Variants in APBA1 observed in about 807,000 individuals in gnomAD.
APBA1 encodes the protein amyloid beta precursor protein binding family A member 1.
A neutral mutation model predicts 86.6 loss-of-function variants in APBA1; 55 were observed. The ratio of observed to expected loss-of-function variants is 0.64; its 90% CI spans 0.51 to 0.80. The LOEUF is 0.80. APBA1 is among the 30% of genes least tolerant of loss of function. The probability of loss-of-function intolerance (pLI) is 0.00; values close to 1 mark genes in which losing one functional copy is unlikely to be tolerated. For synonymous variants in APBA1, 511 were observed against 493.9 expected (o/e 1.03, Z -0.46); for missense variants, 1,090 against 1,183.0 (o/e 0.92, Z 1.15).
chr9:69,669,008 T>A (rs1402492810), intron 1 of APBA1, among the ~76,000 whole-genome samples: 2 of 152,194 alleles, frequency 1.3e-5, no homozygotes, highest in African/African-American at 2.4e-5. Context: ...AGTAACATAT[T>A]TCCTCTTTTC....
At chr9:69,582,906 CAAAT>C (rs1008402577) in intron 1 of APBA1, among the ~76,000 whole-genome samples, 9 of 152,294 alleles carry the variant, frequency 5.9e-5, no homozygotes, top group East Asian at 3.9e-4. Flanking sequence ...ATGAATGAAA[CAAAT>C]GAATGAAGAA....
chr9:69,516,646 C>T lies in APBA1; in HGVS notation c.565G>A (p.Asp189Asn). The change falls in exon 2 of 13, where the codon GAC becomes AAC. Residue 189 changes from aspartate to asparagine, a missense_variant. This residue lies in a region of APBA1 where 678 missense variants were observed against 647.1 expected (regional missense o/e 1.05). Coordinates refer to ENST00000265381, the MANE Select transcript of APBA1 (RefSeq NM_001163.4). The surrounding 1 kb of genome is among the most constrained non-coding windows in gnomAD (Gnocchi z 7.3). The stretch of plus-strand genomic sequence containing the variant: ...ACGTGCTCCTGGAGGCCGCCGTAGT[C>T]GGCATAGGGCTCGGAGTAGGGCTCG... Reference protein sequence around the residue: ...EDEPYSEPYADYGGLQEHVYE... With the variant: ...EDEPYSEPYANYGGLQEHVYE... 2 of 1,608,866 alleles carry T rather than the reference C, an allele frequency of 1.2e-6. No individual in the cohort carries two copies. The highest frequency in any genetic ancestry group is 1.7e-6 in the Non-Finnish European group (2 of 1,179,104).
chr9:69,443,962 T>C (rs1320194851), intron 10 of APBA1, among the ~76,000 whole-genome samples: 1 of 151,656 alleles, frequency 6.6e-6, no homozygotes, highest in Non-Finnish European at 1.5e-5. Flanking sequence ...GTGGCAAGAG[T>C]TTTTCGGGGT....
At chr9:69,624,558 G>A (rs1822890669) in intron 1 of APBA1, among the ~76,000 whole-genome samples, 1 of 152,258 alleles carries the variant, frequency 6.6e-6, no homozygotes, top group East Asian at 1.9e-4. Context: ...TGGGTGAGGT[G>A]CCCAGCAGGT....
intron 10 of APBA1, 30 bp downstream of exon 10, chr9:69,449,554 C>A: frequency 6.3e-7 from 1 of 1,588,130 alleles, no homozygotes; most frequent in East Asian, 2.2e-5. Context: ...AGGTTTACCA[C>A]ATCAACTGAT....
At chr9:69,599,553 G>A (rs1368736670) in intron 1 of APBA1, among the ~76,000 whole-genome samples, 2 of 152,162 alleles carry the variant, frequency 1.3e-5, no homozygotes, top group Non-Finnish European at 2.9e-5. Context: ...GCCAAAGTTT[G>A]ATAATTCAAA....
At chr9:69,546,957 C>T (rs965067801) in intron 1 of APBA1, among the ~76,000 whole-genome samples, 1 of 152,218 alleles carries the variant, frequency 6.6e-6, no homozygotes, top group Non-Finnish European at 1.5e-5. Context: ...AAGTGTTACG[C>T]ATACATTTAA....
chr9:69,542,868 C>T (rs1836636969), intron 1 of APBA1, among the ~76,000 whole-genome samples: 1 of 152,226 alleles, frequency 6.6e-6, no homozygotes, highest in African/African-American at 2.4e-5. Context: ...TTTCGTTGAA[C>T]CAAATCAAAA....
intron 1 of APBA1, among the ~76,000 whole-genome samples, chr9:69,550,862 C>G (rs1454098225): frequency 6.6e-6 from 1 of 152,076 alleles, no homozygotes; most frequent in Non-Finnish European, 1.5e-5. Context: ...AGTCCTCTAC[C>G]ATGTGTAAGT....
Position 69,430,771 on chromosome 9 carries a change from A to T in APBA1, c.*556T>A, listed in dbSNP as rs1342398454. 2.6e-5 allele frequency: 4 copies of T among 152,618 alleles called. No individual in the cohort carries two copies. The highest frequency in any genetic ancestry group is 5.9e-5 in the Non-Finnish European group (4 of 68,090). The allele number at this position is 152,618 out of a possible 1,614,324, so 9.5% of individuals were successfully genotyped here. On this transcript the variant is annotated 3_prime_UTR_variant, in exon 13 of 13. Transcript: ENST00000265381. ...ATACGTTGAAATTAGAACTAGCAATAGAAGAGGTTTAAGGTTGGCTCAGAG... is the reference window on the plus strand; with the variant it reads ...ATACGTTGAAATTAGAACTAGCAATTGAAGAGGTTTAAGGTTGGCTCAGAG...
intron 2 of APBA1, among the ~76,000 whole-genome samples, chr9:69,512,718 C>G (rs796674928): frequency 1.1e-4 from 17 of 152,180 alleles, no homozygotes; most frequent in African/African-American, 4.1e-4. Flanking sequence ...CTTTCACATG[C>G]TTACGAATCT....
intron 10 of APBA1, among the ~76,000 whole-genome samples, chr9:69,445,121 C>T (rs1453825866): frequency 2.0e-5 from 3 of 152,156 alleles, no homozygotes; most frequent in South Asian, 2.1e-4. Flanking sequence ...CCCAACATAC[C>T]GAAAAGCAAG....
intron 1 of APBA1, among the ~76,000 whole-genome samples, chr9:69,566,609 A>C (rs558279712): frequency 3.9e-5 from 6 of 152,312 alleles, no homozygotes; most frequent in Non-Finnish European, 7.3e-5. Context: ...TGGCCAGTCA[A>C]GCTTTGCATG....
intron 1 of APBA1, among the ~76,000 whole-genome samples, chr9:69,658,284 C>CTTTTTCTTTCTTTCTTTCTTTCTTTCTT (rs370230255): frequency 9.3e-5 from 7 of 75,558 alleles, no homozygotes; most frequent in Middle Eastern, 0.013. Flanking sequence ...TTCTTTCTTT[C>CTTTTTCTTTCTTTCTTTCTTTCTTTCTT]TCTCTCTCTT....
intron 2 of APBA1, among the ~76,000 whole-genome samples, chr9:69,496,272 C>T (rs1041271141): frequency 3.3e-5 from 5 of 152,090 alleles, no homozygotes; most frequent in African/African-American, 9.7e-5. Flanking sequence ...GCATGAAAAG[C>T]GCTCATCTGA....
chr9:69,652,806 C>T (rs1381327818), intron 1 of APBA1, among the ~76,000 whole-genome samples: 2 of 152,018 alleles, frequency 1.3e-5, no homozygotes, highest in African/African-American at 4.8e-5. Flanking sequence ...CTGGCTAACA[C>T]AGTGAAATGA....
At chr9:69,504,518 T>C (rs1005831558) in intron 2 of APBA1, among the ~76,000 whole-genome samples, 4 of 152,040 alleles carry the variant, frequency 2.6e-5, no homozygotes, top group African/African-American at 4.8e-5. Flanking sequence ...TGGAAGACCA[T>C]GTACTTATGA....
intron 1 of APBA1, among the ~76,000 whole-genome samples, chr9:69,657,986 C>T (rs1823645977): frequency 1.3e-5 from 2 of 152,172 alleles, no homozygotes; most frequent in South Asian, 2.1e-4. Context: ...GGGATGCAGG[C>T]CTACCAAAGG....
chr9:69,550,079 G>A (rs1318939155), intron 1 of APBA1, among the ~76,000 whole-genome samples: 2 of 152,164 alleles, frequency 1.3e-5, no homozygotes, highest in South Asian at 2.1e-4. Flanking sequence ...TAAATTAGAT[G>A]AGATATGTAC....
Sources: allele counts gnomAD v4.1 joint callset (sites outside exome capture counted in the v4.1 genomes callset), GRCh38; gene constraint gnomAD v4.1.1; regional missense constraint gnomAD v4.1.1; non-coding constraint Gnocchi (gnomAD v3.1); transcripts MANE v1.5; gene names NCBI Gene and HGNC (gene_info 2026-07-23, HGNC 2026-07-21).